RGS9: variants seen among roughly 807,000 people sequenced by gnomAD.
RGS9 encodes the protein regulator of G-protein signalling 9.
Under a neutral mutation model 102.0 loss-of-function variants are expected in RGS9, and 78 were observed. The observed-to-expected ratio is 0.76, with a 90% CI of 0.64 to 0.92. The LOEUF (loss-of-function observed/expected upper bound fraction) is 0.92. Ranked by LOEUF, RGS9 falls within the 40% of genes least tolerant of loss-of-function variation. RGS9 has a pLI of 0.00. For missense variants in RGS9, 833 were observed against 866.1 expected, an observed-to-expected ratio of 0.96 and a Z score of 0.48; for synonymous variants, 353 against 318.6, an observed-to-expected ratio of 1.11 and a Z score of -1.15.
rs538767196 is a variant in RGS9, at chr17:65,138,480, T to C, written c.57+883T>C. Among the ~76,000 whole-genome samples, 21 of 152,260 alleles carry C rather than the reference T, an allele frequency of 1.4e-4. No individual in the cohort carries two copies. In the South Asian group the frequency reaches 3.9e-3, roughly 29 times the overall value. On this transcript the variant is annotated intron_variant, in intron 1 of 18. Coordinates refer to ENST00000262406, the MANE Select transcript of RGS9 (RefSeq NM_003835.4). ...TTTGTATAGTCAGTGACCGCTGTCCTGATTTGCCCAGGACTTTCAATGCTA... is the reference window on the plus strand; with the variant it reads ...TTTGTATAGTCAGTGACCGCTGTCCCGATTTGCCCAGGACTTTCAATGCTA...
At position 65,153,405 on chromosome 17, in the gene RGS9, C is replaced by T. The variant is rs1373309617; in HGVS notation, c.58-17C>T. On this transcript the variant is annotated splice_polypyrimidine_tract_variant and intron_variant, in intron 1 of 18. Coordinates refer to ENST00000262406, the MANE Select transcript of RGS9 (RefSeq NM_003835.4). The stretch of plus-strand genomic sequence containing the variant: ...AATTGTTCTCGTCAGTCGGCTTTTT[C>T]CTGTTCTGTCTTGCAGATTGAAGCG... The T allele has an allele frequency of 1.9e-6, 3 of 1,609,312 alleles. No homozygotes were observed. The highest frequency in any genetic ancestry group is 2.2e-5 in the South Asian group (2 of 90,986).
intron 13 of RGS9, among the ~76,000 whole-genome samples, chr17:65,199,657 C>G (rs1057344176): frequency 6.6e-6 from 1 of 151,864 alleles, no homozygotes; most frequent in Admixed American, 6.6e-5. Context: ...CCATGCCCAG[C>G]TAATTTTTGT....
At chr17:65,220,908 C>G (rs1288994960) in intron 17 of RGS9, among the ~76,000 whole-genome samples, 2 of 152,190 alleles carry the variant, frequency 1.3e-5, no homozygotes, top group Non-Finnish European at 2.9e-5. Flanking sequence ...CTCTCCTTCA[C>G]TGTGTCTCTG....
intron 17 of RGS9, among the ~76,000 whole-genome samples, chr17:65,211,809 G>A (rs1014464164): frequency 6.6e-6 from 1 of 152,240 alleles, no homozygotes; most frequent in African/African-American, 2.4e-5. Flanking sequence ...TCTCTCTCAT[G>A]GAGCTTCTTC....
chr17:65,158,399 T>C (rs1308662397), intron 3 of RGS9, 54 bp downstream of exon 3: 8 of 1,474,098 alleles, frequency 5.4e-6, no homozygotes, highest in Non-Finnish European at 7.6e-6. Flanking sequence ...TACAGCACCA[T>C]GGGAGAAACT....
intron 15 of RGS9, among the ~76,000 whole-genome samples, chr17:65,205,906 GTGTGATATAGGCTATCTGATATAGGTTA>G (rs1913045402): frequency 6.6e-6 from 1 of 151,256 alleles, no homozygotes; most frequent in Admixed American, 6.6e-5. Context: ...AATATAGGTT[GTGTGATATAGGCTATCTGATATAGGTTA>G]TGTGATATAG....
intron 1 of RGS9, among the ~76,000 whole-genome samples, chr17:65,144,295 G>T (rs1598554148): frequency 6.6e-6 from 1 of 152,100 alleles, no homozygotes; most frequent in Admixed American, 6.5e-5. Flanking sequence ...GAAAATTCCA[G>T]CCCCAGAGAT....
chr17:65,152,410 G>A (rs1243853157), intron 1 of RGS9, among the ~76,000 whole-genome samples: 1 of 152,196 alleles, frequency 6.6e-6, no homozygotes, highest in Non-Finnish European at 1.5e-5. Flanking sequence ...GGAGTCAAGT[G>A]GTCCTTGCAG....
chr17:65,162,525 C>T (rs1911022338), intron 6 of RGS9, among the ~76,000 whole-genome samples: 1 of 151,980 alleles, frequency 6.6e-6, no homozygotes, highest in Admixed American at 6.6e-5. Context: ...TGCAGTAGCA[C>T]AATCTTGGCT....
chr17:65,138,574 C>T (rs1274294254), intron 1 of RGS9, among the ~76,000 whole-genome samples: 3 of 151,992 alleles, frequency 2.0e-5, no homozygotes, highest in East Asian at 1.9e-4. Flanking sequence ...TGCTCGTGCT[C>T]ATCTTCCGGG....
Position 65,174,623 on chromosome 17 carries a change from A to G in RGS9, c.583-3109A>G, listed in dbSNP as rs1308575342. 2.0e-5 allele frequency among the ~76,000 whole-genome samples: 3 copies of G among 151,476 alleles called. No individual in the cohort carries two copies. The East Asian group carries it at 5.8e-4, about 29-fold the overall frequency. Reference sequence around the variant, plus strand: ...TGCCTAGGTTTGTGCATGCATGTAAACATATATGTGTCAGTATGCACGTGT... The same window carrying G: ...TGCCTAGGTTTGTGCATGCATGTAAGCATATATGTGTCAGTATGCACGTGT... On this transcript the variant is annotated intron_variant, in intron 8 of 18. Transcript: ENST00000262406.
intron 1 of RGS9, among the ~76,000 whole-genome samples, chr17:65,141,348 G>A (rs1189380234): frequency 6.6e-6 from 1 of 152,188 alleles, no homozygotes; most frequent in Non-Finnish European, 1.5e-5. Context: ...ATCCCAGCCA[G>A]TACCACCACC....
intron 9 of RGS9, chr17:65,188,973 G>C (rs1023709497): frequency 1.4e-5 from 6 of 431,214 alleles, no homozygotes; most frequent in Admixed American, 3.7e-5. Context: ...TCACTCTACA[G>C]ATCATTCTGT....
intron 17 of RGS9, among the ~76,000 whole-genome samples, chr17:65,221,845 G>A (rs1913715487): frequency 6.6e-6 from 1 of 152,318 alleles, no homozygotes; most frequent in South Asian, 2.1e-4. Flanking sequence ...ATTTCATAAG[G>A]ATACTGATCC....
intron 9 of RGS9, among the ~76,000 whole-genome samples, chr17:65,179,531 G>A (rs1235601623): frequency 1.3e-5 from 2 of 152,088 alleles, no homozygotes; most frequent in African/African-American, 2.4e-5. Flanking sequence ...TCTTTCCTGG[G>A]GAGGAGAGAG....
At chr17:65,193,935 G>A (rs138093045) in intron 12 of RGS9, among the ~76,000 whole-genome samples, 79 of 152,268 alleles carry the variant, frequency 5.2e-4, no homozygotes, top group African/African-American at 1.8e-3. Flanking sequence ...CAGAGGGACT[G>A]GCTGGCAGAC....
chr17:65,197,503 G>A (rs189640002), intron 13 of RGS9, among the ~76,000 whole-genome samples: 78 of 152,214 alleles, frequency 5.1e-4, no homozygotes, highest in African/African-American at 1.6e-3. Context: ...TCACATTTCT[G>A]AGGGCTCCAT....
intron 17 of RGS9, among the ~76,000 whole-genome samples, chr17:65,220,329 G>A (rs774379043): frequency 6.6e-6 from 1 of 152,246 alleles, no homozygotes; most frequent in African/African-American, 2.4e-5. Context: ...TATTTGAGGG[G>A]AGGAGGGGGA....
intron 6 of RGS9, among the ~76,000 whole-genome samples, chr17:65,162,382 A>C (rs893821609): frequency 1.0e-4 from 15 of 149,832 alleles, no homozygotes; most frequent in Non-Finnish European, 2.1e-4. Context: ...ACACTGTCTC[A>C]AAAAAAAAAT....
Sources: allele counts gnomAD v4.1 joint callset (sites outside exome capture counted in the v4.1 genomes callset), GRCh38; gene constraint gnomAD v4.1.1; transcripts MANE v1.5; gene names NCBI Gene and HGNC (gene_info 2026-07-23, HGNC 2026-07-21).